The following PRAP1 variants were observed in gnomAD, a reference collection of about 807,000 sequenced individuals.
PRAP1 encodes proline-rich acidic protein 1.
In PRAP1, 12 loss-of-function variants were observed where a neutral mutation model predicts 14.6. The observed-to-expected ratio is 0.82, with a 90% CI of 0.53 to 1.33. The LOEUF is 1.33. PRAP1 is among the 40% of genes most tolerant of loss of function. The pLI is 0.00. For missense variants in PRAP1, 160 were observed against 193.7 expected, an observed-to-expected ratio of 0.83 and a Z score of 1.03; for synonymous variants, 81 against 80.3, an observed-to-expected ratio of 1.01 and a Z score of -0.04.
chr10:133,349,283 ACATACACACAC>A lies in PRAP1; in HGVS notation c.9-811_9-801del, dbSNP rs1381583325. 6.6e-5 allele frequency among the ~76,000 whole-genome samples: 10 copies of A among 151,380 alleles called. No individual in the cohort carries two copies. The South Asian group carries it at 1.3e-3, about 19-fold the overall frequency. On this transcript the variant is annotated intron_variant, in intron 1 of 4. Coordinates refer to ENST00000433452, the MANE Select transcript of PRAP1 (RefSeq NM_145202.5). ...GCCCACACACTCCACACCACACACA[ACATACACACAC>A]ATCCACCACACACAAACACACATAA... is the stretch of plus-strand genomic sequence containing the variant.
chr10:133,350,131 G>A lies in PRAP1; in HGVS notation c.45G>A (p.Leu15=). 1.2e-6 allele frequency: 2 copies of A among 1,613,564 alleles called. No homozygotes were observed. The highest frequency in any genetic ancestry group is 2.2e-5 in the South Asian group (2 of 91,052). Reference sequence around the variant, plus strand: ...TCACCAGCCTGGTGGTTGTGCTGCTGTGGGAGGCAGGTGCAGTCCCAGCAC... The same window carrying A: ...TCACCAGCCTGGTGGTTGTGCTGCTATGGGAGGCAGGTGCAGTCCCAGCAC... The part of the protein sequence containing the change: ...LLVTSLVVVL[L]WEAGAVPAPK... Residue 15 remains leucine, a synonymous_variant, in exon 2 of 5, where the codon CTG becomes CTA. Transcript: ENST00000433452.
chr10:133,347,378 A>G lies in PRAP1; in HGVS notation c.-40A>G, dbSNP rs752014237. 6.2e-7 allele frequency: 1 copy of G among 1,612,604 alleles called. No individual in the cohort carries two copies. Among genetic ancestry groups the G allele is most frequent in the Non-Finnish European group, 8.5e-7 (1 of 1,179,132 alleles). On this transcript the variant is annotated 5_prime_UTR_variant, in exon 1 of 5. Coordinates refer to ENST00000433452, the MANE Select transcript of PRAP1 (RefSeq NM_145202.5). This position sits in a 1 kb window ranked among gnomAD's most constrained non-coding sequence, Gnocchi z 5.0. ...GCCAGATACTGGGATCAGCCACTGC[A>G]GCTCCCTGAGCACTCTCTACAGAGA...
intron 1 of PRAP1, among the ~76,000 whole-genome samples, chr10:133,348,512 G>GT (rs60522030): frequency 0.013 from 1,849 of 143,332 alleles, 25 homozygotes; most frequent in African/African-American, 0.036. Flanking sequence ...GCTAAGTTTT[G>GT]TTTTTTTTTT....
chr10:133,351,472 C>T lies in PRAP1; in HGVS notation c.128+39C>T. On this transcript the variant is annotated intron_variant, in intron 3 of 4. Transcript: ENST00000433452. The surrounding 1 kb of genome is among the most constrained non-coding windows in gnomAD (Gnocchi z 4.3). ...ACCCCACCTCCCCACCACCCATTCC[C>T]TGAAGCTACAGCCCGTTCTGCTGGG... 5 of 1,488,976 alleles carry T rather than the reference C, an allele frequency of 3.4e-6. No individual in the cohort carries two copies. The highest frequency in any genetic ancestry group is 4.6e-6 in the Non-Finnish European group (5 of 1,081,286). 92.2% of individuals were successfully genotyped at this position (1,488,976 alleles called of 1,614,324 possible).
chr10:133,348,912 C>T (rs1279904034), intron 1 of PRAP1, among the ~76,000 whole-genome samples: 2 of 151,986 alleles, frequency 1.3e-5, no homozygotes, highest in Non-Finnish European at 2.9e-5. Flanking sequence ...CTGCCCACCT[C>T]AGCCTCCCAA....
At chr10:133,350,301 T>G in intron 2 of PRAP1, 140 bp downstream of exon 2, 1 of 704,958 alleles carries the variant, frequency 1.4e-6, no homozygotes, top group East Asian at 2.7e-5. Flanking sequence ...GGTACGCTCA[T>G]GACTCTTGAT....
At position 133,352,559 on chromosome 10, in the gene PRAP1, C is replaced by T; in HGVS notation, c.*119C>T. ...CCCCAGCAGGCCGGGCGCGGTGGCT[C>T]ACCTCTGTAATCCCAGCACTTTTAG... On this transcript the variant is annotated 3_prime_UTR_variant, in exon 5 of 5. Transcript: ENST00000433452. 2.4e-6 allele frequency: 2 copies of T among 841,682 alleles called. No individual in the cohort carries two copies. The highest frequency in any genetic ancestry group is 3.7e-6 in the Non-Finnish European group (2 of 537,082). The allele number at this position is 841,682 out of a possible 1,614,324, so 52.1% of individuals were successfully genotyped here.
chr10:133,352,124 G>A lies in PRAP1; in HGVS notation c.246G>A (p.Arg82=), dbSNP rs1848689531. 1.9e-6 allele frequency: 3 copies of A among 1,613,080 alleles called. No individual in the cohort carries two copies. Among genetic ancestry groups the A allele is most frequent in the Non-Finnish European group, 2.5e-6 (3 of 1,179,966 alleles). ...AGGAGAAGCCACGAGGTCAGGGCAG[G>A]GGCCCCATCCTTCCAGGTGGGCACA... ...TTEEKPRGQG[R]GPILPGTKAW... is the part of the protein sequence containing the mutation. Residue 82 remains arginine (R), a synonymous_variant, in exon 4 of 5, where the codon AGG becomes AGA. Transcript: ENST00000433452.
In PRAP1 at chr10:133,351,344, G is replaced by A. The variant is rs763444008; in HGVS notation, c.76-37G>A. The stretch of plus-strand genomic sequence containing the variant: ...TCCCCAGGTGTCCTCCACCCGCGTG[G>A]ACTGTGGCCCAGCCCACACCTGTGA... On this transcript the variant is annotated intron_variant, in intron 2 of 4. Transcript: ENST00000433452. The surrounding 1 kb of genome is among the most constrained non-coding windows in gnomAD (Gnocchi z 4.3). The A allele has an allele frequency of 3.1e-6, 5 of 1,589,298 alleles. No homozygotes were observed. The highest frequency in any genetic ancestry group is 3.4e-6 in the Non-Finnish European group (4 of 1,162,658).
In PRAP1 at chr10:133,347,800, C is replaced by G. The variant is rs1408113850; in HGVS notation, c.8+375C>G. Among the ~76,000 whole-genome samples the G allele has an allele frequency of 6.6e-6, 1 of 152,184 alleles. No individual in the cohort carries two copies. Among genetic ancestry groups the G allele is most frequent in the Non-Finnish European group, 1.5e-5 (1 of 68,026 alleles). On this transcript the variant is annotated intron_variant, in intron 1 of 4. Coordinates refer to ENST00000433452, the MANE Select transcript of PRAP1 (RefSeq NM_145202.5). The surrounding 1 kb of genome is among the most constrained non-coding windows in gnomAD (Gnocchi z 5.0). ...CAGGGGCTGCCCTGAGGTGGTGTCA[C>G]CCTGGGAGCTGTGATCTGGAGCTCA... is the stretch of plus-strand genomic sequence containing the variant.
At position 133,351,258 on chromosome 10, in the gene PRAP1, C is replaced by G; in HGVS notation, c.76-123C>G. The G allele has an allele frequency of 6.4e-6, 4 of 628,248 alleles. No homozygotes were observed. The highest frequency in any genetic ancestry group is 2.8e-5 in the East Asian group (1 of 35,380). 38.9% of individuals were successfully genotyped at this position (628,248 alleles called of 1,614,324 possible). The stretch of plus-strand genomic sequence containing the variant: ...CTCGAGCTGTGCTGAGCTGGCCCTG[C>G]CCCCACCCCCTGCAGCCACCTCCAC... On this transcript the variant is annotated intron_variant, in intron 2 of 4. Transcript: ENST00000433452. The surrounding 1 kb of genome is among the most constrained non-coding windows in gnomAD (Gnocchi z 4.3).
At position 133,351,902 on chromosome 10, in the gene PRAP1, G is replaced by C; in HGVS notation, c.129-105G>C. On this transcript the variant is annotated intron_variant, in intron 3 of 4. Transcript: ENST00000433452. This position sits in a 1 kb window ranked among gnomAD's most constrained non-coding sequence, Gnocchi z 4.3. ...AGAGAGGCTTGTCCTGGGGCTGCTG[G>C]TGGTGGGGCTGGAGTGGCTGCCCTG... 1 of 1,430,418 alleles carries C rather than the reference G, an allele frequency of 7.0e-7. No homozygotes were observed. Among genetic ancestry groups the C allele is most frequent in the South Asian group, 1.3e-5 (1 of 76,090 alleles). 88.6% of individuals were successfully genotyped at this position (1,430,418 alleles called of 1,614,324 possible).
chr10:133,351,232 G>A lies in PRAP1; in HGVS notation c.76-149G>A, dbSNP rs1050431335. 25 of 550,208 alleles carry A rather than the reference G, an allele frequency of 4.5e-5. No individual in the cohort carries two copies. In the East Asian group the frequency reaches 6.5e-4, roughly 14 times the overall value. 34.1% of individuals were successfully genotyped at this position (550,208 alleles called of 1,614,324 possible). ...CGAGAGTGGCTTGCCCACTAGAGACGCTCGAGCTGTGCTGAGCTGGCCCTG... is the reference window on the plus strand; with the variant it reads ...CGAGAGTGGCTTGCCCACTAGAGACACTCGAGCTGTGCTGAGCTGGCCCTG... On this transcript the variant is annotated intron_variant, in intron 2 of 4. Transcript: ENST00000433452. This position sits in a 1 kb window ranked among gnomAD's most constrained non-coding sequence, Gnocchi z 4.3.
chr10:133,352,328 C>G lies in PRAP1; in HGVS notation c.344C>G (p.Pro115Arg), dbSNP rs530079785. The stretch of plus-strand genomic sequence containing the variant: ...CCCGACCATGACAGCCTGTACCACC[C>G]TCCGCCTGAGGAGGACCAGGGCGAG... ...PEPDHDSLYH[P>R]PPEEDQGEER... is the part of the protein sequence containing the mutation. The change falls in exon 5 of 5, where the codon CCT becomes CGT. Residue 115 changes from proline to arginine, a missense_variant. Pro to Arg is a moderately radical substitution (Grantham distance 103). Transcript: ENST00000433452. 6 of 1,613,182 alleles carry G rather than the reference C, an allele frequency of 3.7e-6. No homozygotes were observed. The African/African-American group carries it at 8.0e-5, about 21-fold the overall frequency.
intron 1 of PRAP1, among the ~76,000 whole-genome samples, chr10:133,349,769 C>T (rs1008547849): frequency 4.6e-5 from 7 of 152,204 alleles, no homozygotes; most frequent in Non-Finnish European, 7.3e-5. Context: ...ACGTGGAGGG[C>T]GGCACAGAGG....
Position 133,352,222 on chromosome 10 carries a change from TATACC to T in PRAP1, c.263-24_263-20del. ...AGGGTCTCGGGAAAGAAACTGAGAC[TATACC>T]TTCATGTGCTTGTCCCTAGGCACCA... is the stretch of plus-strand genomic sequence containing the variant. On this transcript the variant is annotated intron_variant, in intron 4 of 4. Coordinates refer to ENST00000433452, the MANE Select transcript of PRAP1 (RefSeq NM_145202.5). 1 of 1,611,838 alleles carries T rather than the reference TATACC, an allele frequency of 6.2e-7. No homozygotes were observed. Among genetic ancestry groups the T allele is most frequent in the Non-Finnish European group, 8.5e-7 (1 of 1,179,258 alleles).
Position 133,350,492 on chromosome 10 carries a change from T to A in PRAP1, c.75+331T>A, listed in dbSNP as rs1226774571. 3 of 291,608 alleles carry A rather than the reference T, an allele frequency of 1.0e-5. No individual in the cohort carries two copies. In the East Asian group the frequency reaches 1.9e-4, roughly 18 times the overall value. 18.1% of individuals were successfully genotyped at this position (291,608 alleles called of 1,614,324 possible). On this transcript the variant is annotated intron_variant, in intron 2 of 4. Coordinates refer to ENST00000433452, the MANE Select transcript of PRAP1 (RefSeq NM_145202.5). ...CCCAGGTGGAGGAGGTGGGCCCGGA[T>A]GACACCCACGTGGTCCCAAGTGGAA...
Position 133,351,319 on chromosome 10 carries a change from T to C in PRAP1, c.76-62T>C. 7.2e-7 allele frequency: 1 copy of C among 1,392,372 alleles called. No homozygotes were observed. The highest frequency in any genetic ancestry group is 1.0e-6 in the Non-Finnish European group (1 of 1,003,250). 86.3% of individuals were successfully genotyped at this position (1,392,372 alleles called of 1,614,324 possible). ...CCCAGGTGGGCCTCGGAGCAACCTC[T>C]CCCCAGGTGTCCTCCACCCGCGTGG... On this transcript the variant is annotated intron_variant, in intron 2 of 4. Coordinates refer to ENST00000433452, the MANE Select transcript of PRAP1 (RefSeq NM_145202.5). The surrounding 1 kb of genome is among the most constrained non-coding windows in gnomAD (Gnocchi z 4.3).
Position 133,351,911 on chromosome 10 carries a change from C to T in PRAP1, c.129-96C>T. 6.7e-7 allele frequency: 1 copy of T among 1,487,198 alleles called. No homozygotes were observed. Among genetic ancestry groups the T allele is most frequent in the Non-Finnish European group, 9.0e-7 (1 of 1,105,878 alleles). 92.1% of individuals were successfully genotyped at this position (1,487,198 alleles called of 1,614,324 possible). A position where few individuals can be genotyped will look rare whatever the true frequency, so the allele number is the denominator to read the frequency against. ...TGTCCTGGGGCTGCTGGTGGTGGGG[C>T]TGGAGTGGCTGCCCTGGGATGGTGG... On this transcript the variant is annotated intron_variant, in intron 3 of 4. Transcript: ENST00000433452. The surrounding 1 kb of genome is among the most constrained non-coding windows in gnomAD (Gnocchi z 4.3).
Sources: allele counts gnomAD v4.1 joint callset (sites outside exome capture counted in the v4.1 genomes callset), GRCh38; gene constraint gnomAD v4.1.1; non-coding constraint Gnocchi (gnomAD v3.1); transcripts MANE v1.5; gene names NCBI Gene and HGNC (gene_info 2026-07-23, HGNC 2026-07-21).